Variants in NELL1 observed in about 807,000 individuals in gnomAD.
The protein encoded by NELL1 is protein kinase C-binding protein NELL1.
Under a neutral mutation model 107.4 loss-of-function variants are expected in NELL1, and 76 were observed. The ratio of observed to expected loss-of-function variants is 0.71; its 90% CI spans 0.59 to 0.86. The LOEUF is 0.86. NELL1 is among the 40% of genes least tolerant of loss of function. The pLI, the probability that NELL1 is intolerant of heterozygous loss-of-function variation, is 0.00. For synonymous variants in NELL1, 353 were observed against 341.2 expected (o/e 1.03, Z -0.38); for missense variants, 1,024 against 1,005.5 (o/e 1.02, Z -0.25).
intron 12 of NELL1, among the ~76,000 whole-genome samples, chr11:21,073,001 C>G (rs962199964): frequency 6.6e-6 from 1 of 152,068 alleles, no homozygotes; most frequent in Non-Finnish European, 1.5e-5. Flanking sequence ...TTCATTTCCC[C>G]ATCGTTTATA....
chr11:20,851,524 CCTT>C (rs1453517374), intron 4 of NELL1, among the ~76,000 whole-genome samples: 1 of 152,112 alleles, frequency 6.6e-6, no homozygotes, highest in Non-Finnish European at 1.5e-5. Flanking sequence ...CCTGAAGAAA[CCTT>C]CCTTAGATTC....
intron 15 of NELL1, among the ~76,000 whole-genome samples, chr11:21,393,299 CTG>C (rs904972168): frequency 1.3e-4 from 19 of 151,596 alleles, no homozygotes; most frequent in African/African-American, 4.6e-4. Context: ...CCAGGGAGAA[CTG>C]AGAAATAGTG....
intron 14 of NELL1, among the ~76,000 whole-genome samples, chr11:21,354,492 C>T (rs1477494750): frequency 6.6e-6 from 1 of 152,136 alleles, no homozygotes; most frequent in Non-Finnish European, 1.5e-5. Context: ...ATCCCAGCAC[C>T]TGGAATTTAG....
intron 15 of NELL1, among the ~76,000 whole-genome samples, chr11:21,378,318 A>G (rs1002223868): frequency 5.3e-5 from 8 of 150,868 alleles, no homozygotes; most frequent in African/African-American, 1.9e-4. Flanking sequence ...GTTATTTGAT[A>G]ATAATATGAA....
chr11:20,920,422 C>A (rs1850352872), intron 7 of NELL1, among the ~76,000 whole-genome samples: 1 of 151,986 alleles, frequency 6.6e-6, no homozygotes, highest in South Asian at 2.1e-4. Flanking sequence ...GGGTTTTTGG[C>A]TAAGGCAAAC....
intron 1 of NELL1, among the ~76,000 whole-genome samples, chr11:20,672,227 C>G (rs981503831): frequency 6.6e-6 from 1 of 152,198 alleles, no homozygotes; most frequent in African/African-American, 2.4e-5. Context: ...TCCATCCACC[C>G]TCTTCTTAGG....
intron 15 of NELL1, among the ~76,000 whole-genome samples, chr11:21,398,313 T>C (rs1852024575): frequency 6.6e-6 from 1 of 151,658 alleles, no homozygotes; most frequent in Admixed American, 6.6e-5. Context: ...TCTGTATCTT[T>C]AAATGTTCAT....
chr11:20,822,555 T>C (rs1169791110), intron 3 of NELL1, among the ~76,000 whole-genome samples: 1 of 152,188 alleles, frequency 6.6e-6, no homozygotes, highest in African/African-American at 2.4e-5. Context: ...ACCTCAGAGA[T>C]GTTTTAATAG....
At chr11:20,889,200 T>C (rs1849568479) in intron 5 of NELL1, among the ~76,000 whole-genome samples, 1 of 152,154 alleles carries the variant, frequency 6.6e-6, no homozygotes, top group African/African-American at 2.4e-5. Context: ...ACTGGCAGAA[T>C]AGCAGAACTC....
chr11:21,029,667 C>T (rs1029130589), intron 12 of NELL1, among the ~76,000 whole-genome samples: 76 of 152,056 alleles, frequency 5.0e-4, no homozygotes, highest in Admixed American at 2.9e-3. Flanking sequence ...AATTTGCTGC[C>T]ATAAGTCTTG....
chr11:21,011,719 T>A (rs1369223719), intron 12 of NELL1, among the ~76,000 whole-genome samples: 1 of 152,138 alleles, frequency 6.6e-6, no homozygotes, highest in Non-Finnish European at 1.5e-5. Context: ...ATGCAGAGTA[T>A]TTCTTTTAGG....
intron 13 of NELL1, among the ~76,000 whole-genome samples, chr11:21,220,722 C>T (rs1273036512): frequency 6.6e-6 from 1 of 151,748 alleles, no homozygotes; most frequent in African/African-American, 2.4e-5. Context: ...AATTTTGTAT[C>T]CTGCAACTTT....
At chr11:21,266,989 G>T (rs1848648732) in intron 14 of NELL1, among the ~76,000 whole-genome samples, 1 of 152,014 alleles carries the variant, frequency 6.6e-6, no homozygotes, top group Non-Finnish European at 1.5e-5. Flanking sequence ...TATATTTGCT[G>T]AAAACATCCA....
At chr11:21,211,402 A>G (rs1857494624) in intron 13 of NELL1, among the ~76,000 whole-genome samples, 1 of 152,186 alleles carries the variant, frequency 6.6e-6, no homozygotes. Flanking sequence ...GAGCAAAATC[A>G]TGCTGGGCAC....
intron 4 of NELL1, 119 bp downstream of exon 4, chr11:20,847,872 T>A: frequency 9.1e-7 from 1 of 1,100,750 alleles, no homozygotes; most frequent in Non-Finnish European, 1.3e-6. Context: ...GGACCCTAAT[T>A]GTAATTTAAC....
intron 13 of NELL1, among the ~76,000 whole-genome samples, chr11:21,137,331 A>T (rs770781082): frequency 2.8e-4 from 43 of 152,172 alleles, no homozygotes; most frequent in Non-Finnish European, 5.0e-4. Context: ...AAATTAAGAG[A>T]TTATAAAATG....
At chr11:21,456,475 G>C (rs951968693) in intron 15 of NELL1, among the ~76,000 whole-genome samples, 38 of 151,740 alleles carry the variant, frequency 2.5e-4, no homozygotes, top group African/African-American at 9.0e-4. Flanking sequence ...GTTTTCTATA[G>C]CCTAAAACAG....
intron 3 of NELL1, among the ~76,000 whole-genome samples, chr11:20,836,479 T>A (rs1246260492): frequency 1.3e-5 from 2 of 152,012 alleles, no homozygotes; most frequent in African/African-American, 4.8e-5. Context: ...AAATGTATTT[T>A]CACAAAAAAT....
chr11:21,457,452 C>T (rs1438828159), intron 15 of NELL1, among the ~76,000 whole-genome samples: 1 of 152,140 alleles, frequency 6.6e-6, no homozygotes, highest in Non-Finnish European at 1.5e-5. Context: ...ATTTTATTGA[C>T]TGTTCATTAA....
Sources: gnomAD v4.1 joint callset for allele counts (sites outside exome capture counted in the v4.1 genomes callset) on GRCh38, gnomAD v4.1.1 for gene constraint, MANE v1.5 for transcripts, NCBI Gene and HGNC (gene_info 2026-07-23, HGNC 2026-07-21) for gene names.